GRIK2: variants seen among roughly 807,000 people sequenced by gnomAD.
GRIK2 encodes the protein glutamate receptor ionotropic, kainate 2.
Under a neutral mutation model 100.3 loss-of-function variants are expected in GRIK2, and 32 were observed. The observed-to-expected ratio is 0.32, with a 90% CI of 0.24 to 0.43. The LOEUF is 0.43. GRIK2 is among the 20% of genes least tolerant of loss of function. The pLI is 1.00. For synonymous variants in GRIK2, 417 were observed against 389.4 expected, an observed-to-expected ratio of 1.07 and a Z score of -0.83; for missense variants, 843 against 1,114.9, an observed-to-expected ratio of 0.76 and a Z score of 3.47.
At chr6:101,397,148 A>T in intron 1 of GRIK2, among the ~76,000 whole-genome samples, 1 of 152,222 alleles carries the variant, frequency 6.6e-6, no homozygotes, top group Non-Finnish European at 1.5e-5. Flanking sequence ...AATGCCAGCT[A>T]CACTGTGAAA....
At chr6:101,764,021 TTAAA>T (rs2128393619) in intron 7 of GRIK2, among the ~76,000 whole-genome samples, 1 of 152,296 alleles carries the variant, frequency 6.6e-6, no homozygotes, top group South Asian at 2.1e-4. Flanking sequence ...GATCAGAAAC[TTAAA>T]TAAGGTTTTA....
intron 12 of GRIK2, among the ~76,000 whole-genome samples, chr6:101,909,378 T>TTTTGTTTG (rs774868812): frequency 1.7e-5 from 2 of 120,352 alleles, no homozygotes; most frequent in African/African-American, 5.9e-5. Context: ...AGGGTTTTCT[T>TTTTGTTTG]TTTCTTTTTT....
At chr6:101,864,946 C>T (rs1784959163) in intron 11 of GRIK2, among the ~76,000 whole-genome samples, 1 of 152,082 alleles carries the variant, frequency 6.6e-6, no homozygotes, top group Admixed American at 6.6e-5. Flanking sequence ...TTATAAGTGC[C>T]AAACATCTTT....
chr6:101,615,182 G>A (rs944543928), intron 2 of GRIK2, among the ~76,000 whole-genome samples: 9 of 151,772 alleles, frequency 5.9e-5, no homozygotes, highest in Admixed American at 5.3e-4. Context: ...GTAGTGAAGA[G>A]AACTGTTAAC....
At chr6:101,553,406 G>A (rs754718854) in intron 2 of GRIK2, among the ~76,000 whole-genome samples, 18 of 151,984 alleles carry the variant, frequency 1.2e-4, no homozygotes, top group African/African-American at 2.7e-4. Flanking sequence ...TTTCTGATTC[G>A]TGAAGAATTA....
intron 7 of GRIK2, among the ~76,000 whole-genome samples, chr6:101,797,554 CTATT>C (rs1320375673): frequency 1.3e-5 from 2 of 148,858 alleles, no homozygotes; most frequent in Non-Finnish European, 3.0e-5. Context: ...TTTAGATATT[CTATT>C]TAATTTATAA....
At chr6:101,480,677 G>T (rs1258892964) in intron 2 of GRIK2, among the ~76,000 whole-genome samples, 1 of 151,934 alleles carries the variant, frequency 6.6e-6, no homozygotes, top group Non-Finnish European at 1.5e-5. Context: ...GTGTTACCAA[G>T]ATTTTTCTTT....
intron 7 of GRIK2, among the ~76,000 whole-genome samples, chr6:101,755,373 A>C (rs949757507): frequency 4.6e-5 from 7 of 151,656 alleles, no homozygotes; most frequent in Admixed American, 1.3e-4. Flanking sequence ...TCACCATGTT[A>C]AGCCAGGATG....
rs775209923 is a variant in GRIK2 at position 101,686,194 on chromosome 6, T to G, written c.792T>G (p.Leu264=). 3.1e-6 allele frequency: 5 copies of G among 1,611,304 alleles called. No individual in the cohort carries two copies. The East Asian group carries it at 1.1e-4, about 36-fold the overall frequency. The change falls in exon 7 of 17, where the codon CTT becomes CTG. Residue 264 remains leucine (L), a synonymous_variant. Coordinates refer to ENST00000369134, the MANE Select transcript of GRIK2 (RefSeq NM_021956.5). The stretch of plus-strand genomic sequence containing the variant: ...TTGTCTTTCAGGACCTCTTTGCTCT[T>G]GATGTTGAGCCCTACCGATACAGTG... The part of the protein sequence containing the change: ...YIFTTLDLFA[L]DVEPYRYSGV...
intron 14 of GRIK2, among the ~76,000 whole-genome samples, chr6:102,011,185 T>C (rs1562109535): frequency 6.6e-6 from 1 of 152,202 alleles, no homozygotes; most frequent in East Asian, 1.9e-4. Context: ...GTTCTTGTTG[T>C]TCCAGATTCT....
Position 102,068,341 on chromosome 6 carries a change from C to T in GRIK2, c.2563-6C>T, listed in dbSNP as rs1211935468. 6.2e-7 allele frequency: 1 copy of T among 1,601,056 alleles called. No homozygotes were observed. Among genetic ancestry groups the T allele is most frequent in the South Asian group, 1.1e-5 (1 of 90,444 alleles). ...TAATATTTAATTTTTCTGTGTTCTT[C>T]TGTAGAGGTCCTTCTGTAGTGCCAT... On this transcript the variant is annotated splice_polypyrimidine_tract_variant and splice_region_variant and intron_variant, in intron 16 of 16. Coordinates refer to ENST00000369134, the MANE Select transcript of GRIK2 (RefSeq NM_021956.5).
At chr6:101,501,147 C>A (rs1582590350) in intron 2 of GRIK2, among the ~76,000 whole-genome samples, 1 of 151,754 alleles carries the variant, frequency 6.6e-6, no homozygotes, top group African/African-American at 2.4e-5. Flanking sequence ...AAATAAGTAT[C>A]TGAGGAAACC....
chr6:101,958,253 T>TTGTGTATGTGTGTGTGTGTGTGTG (rs1792064780), intron 14 of GRIK2, among the ~76,000 whole-genome samples: 1 of 139,448 alleles, frequency 7.2e-6, no homozygotes, highest in African/African-American at 2.6e-5. Flanking sequence ...TGCTACATAT[T>TTGTGTATGTGTGTGTGTGTGTGTG]TGTGTGTGTG....
chr6:101,637,881 C>T (rs1781099562), intron 4 of GRIK2, among the ~76,000 whole-genome samples: 1 of 152,108 alleles, frequency 6.6e-6, no homozygotes, highest in African/African-American at 2.4e-5. Flanking sequence ...ACAAGTTGTC[C>T]TCTCTGCCTG....
At chr6:101,485,837 G>A (rs1187256659) in intron 2 of GRIK2, among the ~76,000 whole-genome samples, 1 of 151,306 alleles carries the variant, frequency 6.6e-6, no homozygotes, top group Non-Finnish European at 1.5e-5. Context: ...ATCCAAAGGA[G>A]CTTTATATTT....
chr6:101,636,328 C>T (rs879677680), intron 4 of GRIK2, among the ~76,000 whole-genome samples: 3 of 151,912 alleles, frequency 2.0e-5, no homozygotes, highest in Non-Finnish European at 4.4e-5. Flanking sequence ...AGAGGGGGCA[C>T]ATCACACACT....
intron 4 of GRIK2, among the ~76,000 whole-genome samples, chr6:101,651,507 G>A (rs913584283): frequency 3.9e-5 from 6 of 152,128 alleles, no homozygotes; most frequent in Non-Finnish European, 5.9e-5. Flanking sequence ...TATGTAAATT[G>A]TAGAGTATGT....
At chr6:101,574,355 T>C (rs563966174) in intron 2 of GRIK2, among the ~76,000 whole-genome samples, 1 of 147,600 alleles carries the variant, frequency 6.8e-6, no homozygotes, top group Non-Finnish European at 1.5e-5. Flanking sequence ...TATATAATTA[T>C]ATATACTTAT....
intron 2 of GRIK2, among the ~76,000 whole-genome samples, chr6:101,481,151 A>G (rs1772507770): frequency 6.6e-6 from 1 of 152,184 alleles, no homozygotes; most frequent in African/African-American, 2.4e-5. Context: ...CTGAGGCCAT[A>G]TACTGTTCTG....
Sources: allele counts gnomAD v4.1 joint callset (sites outside exome capture counted in the v4.1 genomes callset), GRCh38; gene constraint gnomAD v4.1.1; transcripts MANE v1.5; gene names NCBI Gene and HGNC (gene_info 2026-07-23, HGNC 2026-07-21).